The following NFAT5 variants were observed in gnomAD, a reference collection of about 807,000 sequenced individuals.
NFAT5 encodes nuclear factor of activated T-cells 5.
A neutral mutation model predicts 166.5 loss-of-function variants in NFAT5; 31 were observed. The observed-to-expected ratio is 0.19, with a 90% CI of 0.14 to 0.25. The LOEUF is 0.25. Among genes scored for constraint, NFAT5 ranks in the 10% least tolerant of loss-of-function variants. NFAT5 has a pLI of 1.00. For missense variants in NFAT5, 1,449 were observed against 1,821.8 expected, an observed-to-expected ratio of 0.80 and a Z score of 3.72; for synonymous variants, 612 against 639.7, an observed-to-expected ratio of 0.96 and a Z score of 0.65.
intron 2 of NFAT5, among the ~76,000 whole-genome samples, chr16:69,618,925 T>A (rs2034077427): frequency 6.6e-6 from 1 of 152,230 alleles, no homozygotes; most frequent in Non-Finnish European, 1.5e-5. Flanking sequence ...AAAGGAACAT[T>A]CTTTTTTACC....
At chr16:69,624,903 T>TTAAA (rs1555524033) in intron 2 of NFAT5, among the ~76,000 whole-genome samples, 1 of 140,064 alleles carries the variant, frequency 7.1e-6, no homozygotes, top group East Asian at 2.1e-4. Context: ...TTCTTTTTTT[T>TTAAA]AAAAAAAAAA....
Position 69,692,964 on chromosome 16 carries a change from A to T in NFAT5, c.3139A>T (p.Ser1047Cys). 1 of 1,614,206 alleles carries T rather than the reference A, an allele frequency of 6.2e-7. No individual in the cohort carries two copies. Among genetic ancestry groups the T allele is most frequent in the Middle Eastern group, 1.6e-4 (1 of 6,062 alleles). Residue 1047 changes from serine to cysteine, a missense_variant, in exon 13 of 15, where the codon AGT becomes TGT. By Grantham distance (112) the Ser-to-Cys change is moderately radical. Transcript: ENST00000349945. ...AGTTAACCTTTTTTCATCCACAAAA[A>T]GTATGATGAGTGTTCAGAATAGTGG... is the stretch of plus-strand genomic sequence containing the variant. Reference protein sequence around the residue: ...PQVNLFSSTKSMMSVQNSGTQ... With the variant: ...PQVNLFSSTKCMMSVQNSGTQ...
At position 69,566,576 on chromosome 16, in the gene NFAT5, C is replaced by A. The variant is rs1327797618; in HGVS notation, c.73+202C>A. On this transcript the variant is annotated intron_variant, in intron 1 of 14. Coordinates refer to ENST00000349945, the MANE Select transcript of NFAT5 (RefSeq NM_138713.4). This position sits in a 1 kb window ranked among gnomAD's most constrained non-coding sequence, Gnocchi z 5.7. ...GGGCGGAGCAGTGGCGGCCCCTCCCCCGCGGAGCCGCCGGCCGCTCGGGGC... is the reference window on the plus strand; with the variant it reads ...GGGCGGAGCAGTGGCGGCCCCTCCCACGCGGAGCCGCCGGCCGCTCGGGGC... Among the ~76,000 whole-genome samples the A allele has an allele frequency of 6.6e-6, 1 of 152,054 alleles. No homozygotes were observed. The highest frequency in any genetic ancestry group is 1.9e-4 in the East Asian group (1 of 5,170).
chr16:69,697,506 T>C lies in NFAT5; in HGVS notation c.*1155T>C, dbSNP rs749146600. The C allele has an allele frequency of 1.3e-5, 2 of 152,612 alleles. No homozygotes were observed. The highest frequency in any genetic ancestry group is 1.9e-4 in the East Asian group (1 of 5,202). The allele number at this position is 152,612 out of a possible 1,614,324, so 9.5% of individuals were successfully genotyped here. On this transcript the variant is annotated 3_prime_UTR_variant, in exon 15 of 15. Transcript: ENST00000349945. ...AATTTCTTGAAATATCACTTCTCCC[T>C]GATCTGCAGTGAGTATAAATTCACT...
At chr16:69,628,963 A>G (rs990268548) in intron 3 of NFAT5, among the ~76,000 whole-genome samples, 2 of 152,032 alleles carry the variant, frequency 1.3e-5, no homozygotes, top group Non-Finnish European at 2.9e-5. Flanking sequence ...AATCCCAGCT[A>G]CTCTGGAGGC....
intron 3 of NFAT5, among the ~76,000 whole-genome samples, chr16:69,628,804 A>G (rs1264549589): frequency 1.3e-5 from 2 of 152,220 alleles, no homozygotes; most frequent in African/African-American, 4.8e-5. Flanking sequence ...AATATGGGCC[A>G]GGCATGGTGG....
Position 69,574,125 on chromosome 16 carries a change from C to T in NFAT5, c.127+5577C>T, listed in dbSNP as rs568659266. 1.1e-4 allele frequency among the ~76,000 whole-genome samples: 16 copies of T among 152,132 alleles called. No individual in the cohort carries two copies. The East Asian group carries it at 2.9e-3, about 28-fold the overall frequency. On this transcript the variant is annotated intron_variant, in intron 2 of 14. Coordinates refer to ENST00000349945, the MANE Select transcript of NFAT5 (RefSeq NM_138713.4). ...ACCTCAGGTGATCCACCCACCTCGGCCCCCCAAAGTGCTGGGATTACAGGC... is the reference window on the plus strand; with the variant it reads ...ACCTCAGGTGATCCACCCACCTCGGTCCCCCAAAGTGCTGGGATTACAGGC...
intron 3 of NFAT5, among the ~76,000 whole-genome samples, chr16:69,638,723 G>C (rs1040279310): frequency 7.4e-6 from 1 of 134,332 alleles, no homozygotes; most frequent in Non-Finnish European, 1.5e-5. Flanking sequence ...GCAACAGAGA[G>C]AGACTCGGTC....
At chr16:69,687,656 G>A (rs1158271664) in intron 11 of NFAT5, among the ~76,000 whole-genome samples, 1 of 152,010 alleles carries the variant, frequency 6.6e-6, no homozygotes, top group African/African-American at 2.4e-5. Context: ...TCCAGAAAGG[G>A]GGAGAAGATA....
rs1203848577 is a variant in NFAT5 at position 69,566,268 on chromosome 16, C to T, written c.-34C>T. 1 of 1,584,130 alleles carries T rather than the reference C, an allele frequency of 6.3e-7. No individual in the cohort carries two copies. The highest frequency in any genetic ancestry group is 8.6e-7 in the Non-Finnish European group (1 of 1,167,186). Reference sequence around the variant, plus strand: ...CGCCGCCACCGCCGCTCCCCCCCTCCCGCTGCCCTCGGGCCGGGCTGGGTC... The same window carrying T: ...CGCCGCCACCGCCGCTCCCCCCCTCTCGCTGCCCTCGGGCCGGGCTGGGTC... On this transcript the variant is annotated 5_prime_UTR_variant, in exon 1 of 15. Coordinates refer to ENST00000349945, the MANE Select transcript of NFAT5 (RefSeq NM_138713.4). This position sits in a 1 kb window ranked among gnomAD's most constrained non-coding sequence, Gnocchi z 5.7.
rs562392702 is a variant in NFAT5 at position 69,592,302 on chromosome 16, A to G, written c.127+23754A>G. Among the ~76,000 whole-genome samples, 32 of 151,970 alleles carry G rather than the reference A, an allele frequency of 2.1e-4. No individual in the cohort carries two copies. The Middle Eastern group carries it at 0.01, about 48-fold the overall frequency. On this transcript the variant is annotated intron_variant, in intron 2 of 14. Transcript: ENST00000349945. Reference sequence around the variant, plus strand: ...ACCATGTTGGCCAGGCTGGTCTCGAACTCATGACCTCAAGTGATCCACCCA... The same window carrying G: ...ACCATGTTGGCCAGGCTGGTCTCGAGCTCATGACCTCAAGTGATCCACCCA...
chr16:69,583,703 A>G (rs1407756524), intron 2 of NFAT5, among the ~76,000 whole-genome samples: 2 of 152,178 alleles, frequency 1.3e-5, no homozygotes, highest in Non-Finnish European at 2.9e-5. Flanking sequence ...GGCATTGACT[A>G]TACCTTGCAT....
At chr16:69,632,218 C>G (rs1458656613) in intron 3 of NFAT5, 1 of 152,146 alleles carries the variant, frequency 6.6e-6, no homozygotes, top group African/African-American at 2.4e-5. Context: ...AAATATGTTA[C>G]TCCTCCTGTA....
chr16:69,634,812 A>G (rs575673182), intron 3 of NFAT5, among the ~76,000 whole-genome samples: 12 of 152,314 alleles, frequency 7.9e-5, no homozygotes, highest in African/African-American at 2.4e-4. Flanking sequence ...AATTGCTATC[A>G]TATCATATCT....
intron 3 of NFAT5, among the ~76,000 whole-genome samples, chr16:69,634,463 A>G (rs1271183501): frequency 6.6e-6 from 1 of 152,154 alleles, no homozygotes; most frequent in Non-Finnish European, 1.5e-5. Context: ...GATATATTAG[A>G]TACTTGATGG....
chr16:69,620,415 G>A (rs1381058012), intron 2 of NFAT5, among the ~76,000 whole-genome samples: 2 of 152,032 alleles, frequency 1.3e-5, no homozygotes, highest in Non-Finnish European at 2.9e-5. Context: ...CAAATTATTA[G>A]CAGCATTAAT....
rs2032272659 is a variant in NFAT5 at position 69,588,934 on chromosome 16, G to C, written c.127+20386G>C. ...GGAAAGAAAGACCAGGGCATTACAT[G>C]CAGGGTCCTTCTTGGTGTTGGACCC... is the stretch of plus-strand genomic sequence containing the variant. On this transcript the variant is annotated intron_variant, in intron 2 of 14. Transcript: ENST00000349945. Among the ~76,000 whole-genome samples the C allele has an allele frequency of 2.0e-5, 3 of 147,970 alleles. No homozygotes were observed. In the South Asian group the frequency reaches 6.5e-4, roughly 32 times the overall value.
Position 69,691,871 on chromosome 16 carries a change from G to C in NFAT5, c.2046G>C (p.Gln682His), listed in dbSNP as rs1050946292. 2.5e-6 allele frequency: 4 copies of C among 1,614,128 alleles called. No homozygotes were observed. The highest frequency in any genetic ancestry group is 2.5e-6 in the Non-Finnish European group (3 of 1,180,028). ...HLPSENEKQQ[Q>H]IQPKAYNPET... ...CTTCTGAAAATGAAAAACAGCAGCAGATTCAGCCCAAGGCATACAACCCAG... is the reference window on the plus strand; with the variant it reads ...CTTCTGAAAATGAAAAACAGCAGCACATTCAGCCCAAGGCATACAACCCAG... The change falls in exon 13 of 15, where the codon CAG becomes CAC. Residue 682 changes from glutamine (Q) to histidine (H), a missense_variant. Transcript: ENST00000349945.
chr16:69,640,986 GAAA>G (rs1037794951), intron 3 of NFAT5, among the ~76,000 whole-genome samples: 1 of 133,238 alleles, frequency 7.5e-6, no homozygotes, highest in Admixed American at 7.6e-5. Flanking sequence ...CATCTCAAAA[GAAA>G]AAAAAAAAGG....
Sources: gnomAD v4.1 joint callset for allele counts (sites outside exome capture counted in the v4.1 genomes callset) on GRCh38, gnomAD v4.1.1 for gene constraint, Gnocchi (gnomAD v3.1) non-coding constraint, MANE v1.5 for transcripts, NCBI Gene and HGNC (gene_info 2026-07-23, HGNC 2026-07-21) for gene names.